MEMO1: variants seen among roughly 807,000 people sequenced by gnomAD.
The protein encoded by MEMO1 is protein MEMO1.
Under a neutral mutation model 45.2 loss-of-function variants are expected in MEMO1, and 6 were observed. The ratio of observed to expected loss-of-function variants is 0.13; its 90% confidence interval spans 0.07 to 0.26. The LOEUF is 0.26. Ranked by LOEUF, MEMO1 falls within the 10% of genes least tolerant of loss-of-function variation. The pLI, the probability that MEMO1 is intolerant of heterozygous loss-of-function variation, is 1.00. For synonymous variants in MEMO1, 78 were observed against 124.3 expected, an observed-to-expected ratio of 0.63 and a Z score of 2.48; for missense variants, 184 against 370.5, an observed-to-expected ratio of 0.50 and a Z score of 4.13.
chr2:31,871,184 A>T (rs565044906), intron 8 of MEMO1, among the ~76,000 whole-genome samples: 11 of 152,324 alleles, frequency 7.2e-5, no homozygotes, highest in Non-Finnish European at 1.5e-4. Context: ...TATTCAGTTA[A>T]AACACTTTAT....
At chr2:31,878,217 A>G (rs1272638060) in intron 8 of MEMO1, among the ~76,000 whole-genome samples, 1 of 152,120 alleles carries the variant, frequency 6.6e-6, no homozygotes, top group African/African-American at 2.4e-5. Context: ...TCCACGGTAG[A>G]GTGAAGGAAG....
chr2:31,871,498 T>TACAC lies in MEMO1; in HGVS notation c.658-1550_658-1547dup, dbSNP rs77754382. Among the ~76,000 whole-genome samples, 113 of 147,990 alleles carry TACAC rather than the reference T, an allele frequency of 7.6e-4. 1 individual carries two copies. In the South Asian group the frequency reaches 0.012, roughly 16 times the overall value. On this transcript the variant is annotated intron_variant, in intron 8 of 9. Coordinates refer to ENST00000404530, the MANE Select transcript of MEMO1 (RefSeq NM_001301833.4). The stretch of plus-strand genomic sequence containing the variant: ...ACAAACATTATCAATATTCCATATA[T>TACAC]ACACACACACACACACACACATATA...
chr2:31,985,151 T>C (rs1424049415), intron 2 of MEMO1, among the ~76,000 whole-genome samples: 4 of 152,160 alleles, frequency 2.6e-5, no homozygotes, highest in Non-Finnish European at 2.9e-5. Context: ...AGTGTCACTA[T>C]TTTACAACAC....
intron 6 of MEMO1, among the ~76,000 whole-genome samples, chr2:31,911,459 T>C (rs1010655203): frequency 6.6e-6 from 1 of 152,200 alleles, no homozygotes; most frequent in African/African-American, 2.4e-5. Context: ...AGAGACATAA[T>C]AGGCATTTGG....
At chr2:31,964,061 T>C (rs1174068835) in intron 2 of MEMO1, among the ~76,000 whole-genome samples, 1 of 152,192 alleles carries the variant, frequency 6.6e-6, no homozygotes, top group African/African-American at 2.4e-5. Context: ...TATGGAAAAA[T>C]TCAAATTATA....
At position 31,982,490 on chromosome 2, in the gene MEMO1, TG is replaced by T. The variant is rs932197628; in HGVS notation, c.61+27696del. On this transcript the variant is annotated intron_variant, in intron 2 of 9. Coordinates refer to ENST00000404530, the MANE Select transcript of MEMO1 (RefSeq NM_001301833.4). ...CTGTAATCCCAGCTACTCGGGAGGCTGGGGCAGGAGAATCGTTTGAACCCAG... is the reference window on the plus strand; with the variant it reads ...CTGTAATCCCAGCTACTCGGGAGGCTGGGCAGGAGAATCGTTTGAACCCAG... Among the ~76,000 whole-genome samples the T allele has an allele frequency of 2.8e-4, 41 of 145,688 alleles. 1 individual carries two copies. The highest frequency in any genetic ancestry group is 2.6e-3 in the Admixed American group (36 of 14,078).
chr2:31,876,083 T>A (rs1274265087), intron 8 of MEMO1, among the ~76,000 whole-genome samples: 1 of 152,238 alleles, frequency 6.6e-6, no homozygotes, highest in African/African-American at 2.4e-5. Flanking sequence ...TTTCACTTCC[T>A]ATTGTACTTA....
At chr2:31,901,030 A>T (rs1336057671) in intron 6 of MEMO1, among the ~76,000 whole-genome samples, 1 of 152,176 alleles carries the variant, frequency 6.6e-6, no homozygotes, top group African/African-American at 2.4e-5. Context: ...TCAACCGGTA[A>T]ATGGACAAAA....
chr2:31,967,748 T>C lies in MEMO1; in HGVS notation c.62-24365A>G, dbSNP rs551264382. On this transcript the variant is annotated intron_variant, in intron 2 of 9. Transcript: ENST00000404530. ...GCATGAGCCACCATGCCCGGCCTAATAAAAGTATAATTTCTTAGTAAAACT... is the reference window on the plus strand; with the variant it reads ...GCATGAGCCACCATGCCCGGCCTAACAAAAGTATAATTTCTTAGTAAAACT... 7.2e-5 allele frequency among the ~76,000 whole-genome samples: 11 copies of C among 152,316 alleles called. No individual in the cohort carries two copies. The East Asian group carries it at 1.9e-3, about 27-fold the overall frequency.
At chr2:31,868,592 A>G in intron 9 of MEMO1, 100 bp from the exon 10 acceptor site, 3 of 1,122,390 alleles carry the variant, frequency 2.7e-6, no homozygotes, top group Non-Finnish European at 3.5e-6. Flanking sequence ...GCTGAAGCCT[A>G]GATTATCTCT....
At chr2:31,959,292 G>A (rs1293395076) in intron 2 of MEMO1, among the ~76,000 whole-genome samples, 1 of 152,130 alleles carries the variant, frequency 6.6e-6, no homozygotes, top group Non-Finnish European at 1.5e-5. Flanking sequence ...ACTGACTGAT[G>A]ATGATGACAA....
At chr2:31,870,908 A>G (rs561231876) in intron 8 of MEMO1, among the ~76,000 whole-genome samples, 12 of 152,126 alleles carry the variant, frequency 7.9e-5, no homozygotes, top group Non-Finnish European at 1.8e-4. Flanking sequence ...AACAAGATTA[A>G]TAATAAAGGA....
At chr2:32,005,538 T>C (rs903651993) in intron 2 of MEMO1, among the ~76,000 whole-genome samples, 8 of 152,030 alleles carry the variant, frequency 5.3e-5, no homozygotes, top group African/African-American at 1.9e-4. Flanking sequence ...TTAAAGTATG[T>C]CATACTTTAA....
intron 2 of MEMO1, among the ~76,000 whole-genome samples, chr2:32,004,614 C>T (rs1413783129): frequency 2.0e-5 from 3 of 152,086 alleles, no homozygotes; most frequent in Non-Finnish European, 4.4e-5. Flanking sequence ...AAAACTTTAG[C>T]AGAATCTACT....
intron 2 of MEMO1, among the ~76,000 whole-genome samples, chr2:31,999,265 C>T (rs1482593369): frequency 5.9e-5 from 9 of 152,160 alleles, no homozygotes; most frequent in Non-Finnish European, 1.3e-4. Context: ...CACTCCCCAA[C>T]CTTCAACTAC....
chr2:31,875,611 A>C (rs1674440750), intron 8 of MEMO1, among the ~76,000 whole-genome samples: 1 of 151,998 alleles, frequency 6.6e-6, no homozygotes, highest in African/African-American at 2.4e-5. Flanking sequence ...TTCTACCTCC[A>C]CCAACATCAC....
chr2:31,909,055 A>G (rs1680195233), intron 6 of MEMO1, among the ~76,000 whole-genome samples: 1 of 152,224 alleles, frequency 6.6e-6, no homozygotes, highest in African/African-American at 2.4e-5. Context: ...GAAATGCAGG[A>G]CTTGGACCTC....
chr2:32,000,798 T>C (rs919267182), intron 2 of MEMO1, among the ~76,000 whole-genome samples: 4 of 152,048 alleles, frequency 2.6e-5, no homozygotes, highest in Non-Finnish European at 5.9e-5. Flanking sequence ...ATATTTTTTT[T>C]TTTTCCATGA....
intron 3 of MEMO1, among the ~76,000 whole-genome samples, chr2:31,939,343 C>T (rs1665338370): frequency 6.6e-6 from 1 of 152,054 alleles, no homozygotes; most frequent in African/African-American, 2.4e-5. Context: ...CAGAAACACA[C>T]CAAAGCCAAA....
Sources: allele counts gnomAD v4.1 joint callset (sites outside exome capture counted in the v4.1 genomes callset), GRCh38; gene constraint gnomAD v4.1.1; transcripts MANE v1.5; gene names NCBI Gene and HGNC (gene_info 2026-07-23, HGNC 2026-07-21).